Variants in CCL28 observed in about 807,000 individuals in gnomAD.
CCL28 encodes the protein C-C motif chemokine ligand 28.
Under a neutral mutation model 7.1 loss-of-function variants are expected in CCL28, and 4 were observed. The ratio of observed to expected loss-of-function variants is 0.56; its 90% CI spans 0.28 to 1.29. The LOEUF is 1.29. Ranked by LOEUF, CCL28 falls within the 50% of genes most tolerant of loss-of-function variation. The probability of loss-of-function intolerance (pLI) is 0.11; values close to 1 mark genes in which losing one functional copy is unlikely to be tolerated. For missense variants in CCL28, 151 were observed against 163.4 expected (o/e 0.92, Z 0.41); for synonymous variants, 55 against 57.8 (o/e 0.95, Z 0.22).
intron 1 of CCL28, among the ~76,000 whole-genome samples, chr5:43,401,401 TG>T (rs1282345591): frequency 6.6e-6 from 1 of 152,196 alleles, no homozygotes; most frequent in Admixed American, 6.5e-5. Context: ...GGGATAGTCT[TG>T]AAGGGGTTTG....
chr5:43,393,558 T>G (rs957764693), intron 1 of CCL28, among the ~76,000 whole-genome samples: 3 of 152,162 alleles, frequency 2.0e-5, no homozygotes, highest in African/African-American at 7.2e-5. Context: ...TTTCACCATG[T>G]TGGCCAGGTT....
chr5:43,385,908 C>T (rs906321533), intron 2 of CCL28, among the ~76,000 whole-genome samples: 2 of 152,174 alleles, frequency 1.3e-5, no homozygotes, highest in African/African-American at 4.8e-5. Context: ...ATCTCTGACA[C>T]CTGCTTATCC....
intron 1 of CCL28, among the ~76,000 whole-genome samples, chr5:43,389,893 T>C (rs1296914465): frequency 6.6e-6 from 1 of 152,228 alleles, no homozygotes; most frequent in African/African-American, 2.4e-5. Flanking sequence ...CAATGGAGAA[T>C]GTAAACTGGG....
chr5:43,371,187 G>A, the CCL28 span, among the ~76,000 whole-genome samples: 1 of 152,126 alleles, frequency 6.6e-6, no homozygotes, highest in African/African-American at 2.4e-5. Flanking sequence ...AACATTACTA[G>A]CATCCCCAAA....
At chr5:43,390,388 C>T (rs1740525469) in intron 1 of CCL28, among the ~76,000 whole-genome samples, 1 of 152,120 alleles carries the variant, frequency 6.6e-6, no homozygotes, top group Non-Finnish European at 1.5e-5. Context: ...CAGCGGAGTC[C>T]AGAGGTATGA....
intron 1 of CCL28, chr5:43,397,162 G>A (rs1740845092): frequency 6.6e-6 from 1 of 152,388 alleles, no homozygotes; most frequent in Non-Finnish European, 1.5e-5. Flanking sequence ...CCCAGGCAGC[G>A]CGTGACGGCC....
At chr5:43,360,771 G>GT in the CCL28 span, among the ~76,000 whole-genome samples, 1 of 151,908 alleles carries the variant, frequency 6.6e-6, no homozygotes. Flanking sequence ...CTTTCTAATG[G>GT]TTTTTTTCTT....
the CCL28 span, among the ~76,000 whole-genome samples, chr5:43,360,515 T>G: frequency 3.3e-5 from 5 of 152,196 alleles, no homozygotes; most frequent in Non-Finnish European, 7.3e-5. Flanking sequence ...CGTGAGAACA[T>G]GTGGTATTTG....
At chr5:43,395,668 C>G (rs1740766752) in intron 1 of CCL28, among the ~76,000 whole-genome samples, 1 of 152,002 alleles carries the variant, frequency 6.6e-6, no homozygotes, top group Non-Finnish European at 1.5e-5. Flanking sequence ...GTTCTTGGAT[C>G]TCGTGCAAGA....
At chr5:43,373,326 C>T (rs1020285693), downstream of CCL28, among the ~76,000 whole-genome samples, 3 of 151,186 alleles carry the variant, frequency 2.0e-5, no homozygotes, top group Non-Finnish European at 3.0e-5. Flanking sequence ...TGTGAGATGA[C>T]GTCTCACTCT....
At chr5:43,377,750 T>G (rs1220692062), downstream of CCL28, among the ~76,000 whole-genome samples, 1 of 126,732 alleles carries the variant, frequency 7.9e-6, no homozygotes, top group Non-Finnish European at 1.6e-5. Context: ...TTTTTTTTTT[T>G]GAGACGGAGT....
At chr5:43,373,386 C>T (rs1164004419), downstream of CCL28, among the ~76,000 whole-genome samples, 1 of 151,770 alleles carries the variant, frequency 6.6e-6, no homozygotes, top group Non-Finnish European at 1.5e-5. Flanking sequence ...CTGCAACCTC[C>T]GCCTCCCTGG....
At chr5:43,358,661 G>T in the CCL28 span, among the ~76,000 whole-genome samples, 1 of 152,160 alleles carries the variant, frequency 6.6e-6, no homozygotes, top group Admixed American at 6.5e-5. Flanking sequence ...CAAAACGGAG[G>T]TAATAGTTAC....
the CCL28 span, among the ~76,000 whole-genome samples, chr5:43,368,451 G>A: frequency 6.6e-5 from 10 of 152,146 alleles, no homozygotes; most frequent in African/African-American, 2.4e-4. Flanking sequence ...GCGGCTAACT[G>A]CTGGCCAATG....
intron 1 of CCL28, among the ~76,000 whole-genome samples, chr5:43,395,121 A>G (rs1227782609): frequency 6.6e-6 from 1 of 150,410 alleles, no homozygotes; most frequent in Non-Finnish European, 1.5e-5. Flanking sequence ...ATTTTTGGTA[A>G]AACTTAAAAA....
At chr5:43,390,494 A>G (rs1740527911) in intron 1 of CCL28, among the ~76,000 whole-genome samples, 1 of 152,224 alleles carries the variant, frequency 6.6e-6, no homozygotes, top group South Asian at 2.1e-4. Context: ...TGCTTTGGGA[A>G]GGGCAAAGCC....
At chr5:43,401,921 T>A (rs1271114050) in intron 1 of CCL28, among the ~76,000 whole-genome samples, 3 of 152,198 alleles carry the variant, frequency 2.0e-5, no homozygotes, top group Non-Finnish European at 4.4e-5. Context: ...GGGTTTTCCT[T>A]CCTGGCTCCA....
Position 43,380,237 on chromosome 5 carries a change from G to A in CCL28, c.*1623C>T, listed in dbSNP as rs1390643421. The stretch of plus-strand genomic sequence containing the variant: ...ATCACCACACAGAAGGCCGAACTCT[G>A]GGCCCCTAACTAGTGCTGCTCCAAG... On this transcript the variant is annotated 3_prime_UTR_variant, in exon 3 of 3. Coordinates refer to ENST00000361115, the MANE Select transcript of CCL28 (RefSeq NM_148672.3). 2 of 152,128 alleles carry A rather than the reference G, an allele frequency of 1.3e-5. No individual in the cohort carries two copies. Among genetic ancestry groups the A allele is most frequent in the African/African-American group, 4.8e-5 (2 of 41,422 alleles). 9.4% of individuals were successfully genotyped at this position (152,128 alleles called of 1,614,324 possible).
chr5:43,367,009 G>A, the CCL28 span, among the ~76,000 whole-genome samples: 3 of 152,208 alleles, frequency 2.0e-5, no homozygotes, highest in Non-Finnish European at 4.4e-5. Flanking sequence ...CTGTGTTTGT[G>A]TTTACACCGT....
Sources: allele counts gnomAD v4.1 joint callset (sites outside exome capture counted in the v4.1 genomes callset), GRCh38; gene constraint gnomAD v4.1.1; transcripts MANE v1.5; gene names NCBI Gene and HGNC (gene_info 2026-07-23, HGNC 2026-07-21).